SHANK2: variants seen among roughly 807,000 people sequenced by gnomAD.
SHANK2 encodes SH3 and multiple ankyrin repeat domains 2, also known as SH3 and multiple ankyrin repeat domains protein 2.
SHANK2 carries 43 observed loss-of-function variants against 133.7 expected under a neutral mutation model. The observed-to-expected ratio is 0.32, with a 90% CI of 0.25 to 0.41. The LOEUF is 0.41. Ranked by LOEUF, SHANK2 falls within the 10% of genes least tolerant of loss-of-function variation. The probability of loss-of-function intolerance (pLI) is 1.00; values close to 1 mark genes in which losing one functional copy is unlikely to be tolerated. For missense variants in SHANK2, 1,994 were observed against 2,235.8 expected (o/e 0.89, Z 2.18); for synonymous variants, 1,017 against 952.8 (o/e 1.07, Z -1.24).
intron 2 of SHANK2, among the ~76,000 whole-genome samples, chr11:71,215,116 C>T (rs374402874): frequency 7.2e-5 from 11 of 152,212 alleles, no homozygotes; most frequent in African/African-American, 2.2e-4. Context: ...AGGCATGCCC[C>T]GATGTGCGAT....
intron 12 of SHANK2, among the ~76,000 whole-genome samples, chr11:70,812,015 A>G (rs902202719): frequency 1.3e-5 from 2 of 152,242 alleles, no homozygotes; most frequent in African/African-American, 4.8e-5. Context: ...GATGATCAGG[A>G]GTAACTGTGA....
chr11:70,599,925 A>AAGAAAGAT (rs2060465983), intron 17 of SHANK2, among the ~76,000 whole-genome samples: 1 of 113,986 alleles, frequency 8.8e-6, no homozygotes, highest in African/African-American at 4.9e-5. Context: ...GAAAGAAAGA[A>AAGAAAGAT]AGAAAGAAAG....
intron 15 of SHANK2, chr11:70,662,184 T>C: frequency 3.7e-6 from 1 of 273,070 alleles, no homozygotes; most frequent in Non-Finnish European, 7.1e-6. Context: ...TGCTTTTCCT[T>C]GAAGGGGGTT....
intron 14 of SHANK2, among the ~76,000 whole-genome samples, chr11:70,723,299 G>GTC (rs57815500): frequency 0.068 from 9,917 of 145,748 alleles, 354 homozygotes; most frequent in Middle Eastern, 0.11. Context: ...TGGAGGGTCT[G>GTC]TCTCTCTCTC....
intron 11 of SHANK2, among the ~76,000 whole-genome samples, chr11:70,873,373 C>G (rs782558065): frequency 6.6e-6 from 1 of 152,230 alleles, no homozygotes; most frequent in Non-Finnish European, 1.5e-5. Context: ...GAGGGCCCAA[C>G]GGCCCCAGAC....
intron 12 of SHANK2, among the ~76,000 whole-genome samples, chr11:70,817,100 C>T (rs1948415627): frequency 6.6e-6 from 1 of 152,248 alleles, no homozygotes; most frequent in Admixed American, 6.5e-5. Flanking sequence ...ATGCCCCACC[C>T]TCATCCCAGG....
chr11:70,566,074 T>C (rs1052466364), intron 17 of SHANK2, among the ~76,000 whole-genome samples: 9 of 152,142 alleles, frequency 5.9e-5, no homozygotes, highest in Non-Finnish European at 1.2e-4. Context: ...CAAGAGAGAA[T>C]GGGAGCCAAG....
At chr11:70,695,774 G>C (rs1419491242) in intron 15 of SHANK2, among the ~76,000 whole-genome samples, 1 of 152,380 alleles carries the variant, frequency 6.6e-6, no homozygotes. Context: ...GCTCCATGCA[G>C]GGTGGGTGGC....
At position 70,948,344 on chromosome 11, in the gene SHANK2, T is replaced by C. The variant is rs574699992; in HGVS notation, c.1108-51777A>G. 2.0e-5 allele frequency: 9 copies of C among 457,330 alleles called. No homozygotes were observed. In the Admixed American group the frequency reaches 2.1e-4, roughly 11 times the overall value. 28.3% of individuals were successfully genotyped at this position (457,330 alleles called of 1,614,324 possible). A position where few individuals can be genotyped will look rare whatever the true frequency, so the allele number is the denominator to read the frequency against. ...AGCAGAGTGTGGTGTGGCTCACTGA[T>C]GTGTCCCCAGCACCTAGAAGACAGC... On this transcript the variant is annotated intron_variant, in intron 10 of 25. Transcript: ENST00000601538.
intron 14 of SHANK2, among the ~76,000 whole-genome samples, chr11:70,727,613 T>G (rs1231080077): frequency 1.3e-5 from 2 of 152,226 alleles, no homozygotes; most frequent in African/African-American, 4.8e-5. Flanking sequence ...AGGTGGTTTC[T>G]TTGTGGGTAA....
At chr11:71,151,881 G>A (rs372919030) in intron 2 of SHANK2, among the ~76,000 whole-genome samples, 4 of 152,266 alleles carry the variant, frequency 2.6e-5, no homozygotes, top group African/African-American at 7.2e-5. Context: ...AACACACGCT[G>A]GGTGGGAGGC....
chr11:70,874,830 G>A (rs1412514999), intron 11 of SHANK2, among the ~76,000 whole-genome samples: 1 of 152,150 alleles, frequency 6.6e-6, no homozygotes, highest in Non-Finnish European at 1.5e-5. Context: ...GTGCCCTCAT[G>A]TCTGTTTCAA....
chr11:70,945,137 T>C (rs1166258858), intron 10 of SHANK2, among the ~76,000 whole-genome samples: 1 of 152,112 alleles, frequency 6.6e-6, no homozygotes, highest in Non-Finnish European at 1.5e-5. Flanking sequence ...GAGGCACTTA[T>C]GCAGGGGATG....
At chr11:70,863,894 C>T (rs186030119) in intron 11 of SHANK2, 164 of 456,652 alleles carry the variant, frequency 3.6e-4, no homozygotes, top group African/African-American at 3.0e-3. Context: ...GAGAAACCAG[C>T]CCTGGGACAC....
intron 9 of SHANK2, among the ~76,000 whole-genome samples, chr11:71,074,773 ATTT>A (rs36140840): frequency 0.045 from 4,126 of 92,448 alleles, 127 homozygotes; most frequent in African/African-American, 0.15. Flanking sequence ...ACCTAAGCCA[ATTT>A]TTTTTTTTTT....
chr11:70,474,074 G>A lies in SHANK2; in HGVS notation c.4980-635C>T, dbSNP rs377034025. The A allele has an allele frequency of 4.1e-4, 73 of 176,324 alleles. No homozygotes were observed. In the East Asian group the frequency reaches 5.0e-3, roughly 12 times the overall value. The allele number at this position is 176,324 out of a possible 1,614,324, so 10.9% of individuals were successfully genotyped here. A position where few individuals can be genotyped will look rare whatever the true frequency, so the allele number is the denominator to read the frequency against. ...CTGTAGCTACGCAGGGCACTCAGGGGTTGAGATCACCCGGAAACCCAGACA... is the reference window on the plus strand; with the variant it reads ...CTGTAGCTACGCAGGGCACTCAGGGATTGAGATCACCCGGAAACCCAGACA... On this transcript the variant is annotated intron_variant, in intron 25 of 25. Coordinates refer to ENST00000601538, the MANE Select transcript of SHANK2 (RefSeq NM_012309.5).
At chr11:70,863,259 C>A (rs1949290483) in intron 11 of SHANK2, 1 of 450,382 alleles carries the variant, frequency 2.2e-6, no homozygotes, top group South Asian at 1.6e-5. Flanking sequence ...ACACCTCTCC[C>A]CATGACATGG....
intron 17 of SHANK2, among the ~76,000 whole-genome samples, chr11:70,584,291 C>A (rs1277362226): frequency 6.6e-6 from 1 of 152,164 alleles, no homozygotes; most frequent in Non-Finnish European, 1.5e-5. Flanking sequence ...GTGTTCCGAT[C>A]CCGTGTGACA....
intron 11 of SHANK2, among the ~76,000 whole-genome samples, chr11:70,836,745 C>T (rs1207530006): frequency 1.3e-5 from 2 of 152,236 alleles, no homozygotes; most frequent in African/African-American, 2.4e-5. Context: ...CACAGACTGA[C>T]TTTCGTAAAG....
Sources: allele counts gnomAD v4.1 joint callset (sites outside exome capture counted in the v4.1 genomes callset), GRCh38; gene constraint gnomAD v4.1.1; transcripts MANE v1.5; gene names NCBI Gene and HGNC (gene_info 2026-07-23, HGNC 2026-07-21).